Variants in GPC6 observed in about 807,000 individuals in gnomAD.
GPC6 encodes glypican 6, also known as glypican-6.
In GPC6, 14 loss-of-function variants were observed where a neutral mutation model predicts 55.2. That is an observed-to-expected ratio of 0.25 (90% CI 0.17 to 0.40). The LOEUF (loss-of-function observed/expected upper bound fraction) is 0.40, where lower values mean the gene tolerates loss of function less well. GPC6 is among the 10% of genes least tolerant of loss of function. GPC6 has a pLI of 1.00. For missense variants in GPC6, 641 were observed against 708.5 expected (o/e 0.90, Z 1.08); for synonymous variants, 278 against 259.6 (o/e 1.07, Z -0.68).
Position 93,802,140 on chromosome 13 carries a change from A to G in GPC6, c.320-28014A>G, listed in dbSNP as rs539722522. Among the ~76,000 whole-genome samples the G allele has an allele frequency of 2.6e-5, 4 of 152,286 alleles. No individual in the cohort carries two copies. In the South Asian group the frequency reaches 8.3e-4, roughly 32 times the overall value. On this transcript the variant is annotated intron_variant, in intron 2 of 8. Transcript: ENST00000377047. ...GTTGTTTTTTCACTGTAAGTAGATA[A>G]TATAAAAGAGAAATCAAAGGGACAT...
chr13:93,246,177 G>A (rs1032906336), intron 1 of GPC6, among the ~76,000 whole-genome samples: 2 of 152,260 alleles, frequency 1.3e-5, no homozygotes, highest in East Asian at 3.9e-4. Flanking sequence ...TGTTATGCAA[G>A]GCGACTACAT....
chr13:93,395,190 T>A (rs112414935), intron 1 of GPC6: 2 of 298,750 alleles, frequency 6.7e-6, no homozygotes, highest in Non-Finnish European at 1.3e-5. Context: ...TCAAAGTCAC[T>A]GCAACTACTA....
intron 1 of GPC6, among the ~76,000 whole-genome samples, chr13:93,426,792 A>T (rs1003819994): frequency 6.6e-6 from 1 of 151,806 alleles, no homozygotes; most frequent in African/African-American, 2.4e-5. Context: ...TTCTAGTTCT[A>T]GATCCCTGAG....
intron 1 of GPC6, among the ~76,000 whole-genome samples, chr13:93,345,621 T>C (rs182787124): frequency 5.4e-4 from 83 of 152,330 alleles, no homozygotes; most frequent in African/African-American, 1.9e-3. Flanking sequence ...ACAGAGTCAT[T>C]CATTGGAGTT....
At chr13:93,518,685 T>A (rs774148372) in intron 1 of GPC6, among the ~76,000 whole-genome samples, 3 of 152,028 alleles carry the variant, frequency 2.0e-5, no homozygotes, top group Non-Finnish European at 4.4e-5. Context: ...TAAGCCTCTG[T>A]GAGCCTTTGT....
intron 3 of GPC6, among the ~76,000 whole-genome samples, chr13:93,912,480 A>G (rs1877039024): frequency 6.6e-6 from 1 of 152,112 alleles, no homozygotes; most frequent in Non-Finnish European, 1.5e-5. Flanking sequence ...GCAGTGGCTC[A>G]CGCCTGTAAT....
chr13:93,346,458 A>T lies in GPC6; in HGVS notation c.160+118842A>T, dbSNP rs76209748. ...TACTGTTGACTTCTCCATGCTTTAA[A>T]ATCCCTATTCTCATATTTACCTGAT... On this transcript the variant is annotated intron_variant, in intron 1 of 8. Coordinates refer to ENST00000377047, the MANE Select transcript of GPC6 (RefSeq NM_005708.5). Among the ~76,000 whole-genome samples the T allele has an allele frequency of 9.9e-5, 15 of 152,254 alleles. No individual in the cohort carries two copies. The East Asian group carries it at 2.7e-3, about 27-fold the overall frequency.
At chr13:93,967,133 G>A (rs969746631) in intron 3 of GPC6, among the ~76,000 whole-genome samples, 8 of 152,262 alleles carry the variant, frequency 5.3e-5, no homozygotes, top group Admixed American at 3.9e-4. Flanking sequence ...TGGTGGTTTT[G>A]CTACTTTTTT....
At chr13:93,728,753 G>T (rs757331957) in intron 2 of GPC6, among the ~76,000 whole-genome samples, 5 of 151,976 alleles carry the variant, frequency 3.3e-5, no homozygotes, top group Non-Finnish European at 5.9e-5. Flanking sequence ...TTTTAGTAGA[G>T]ACAGCATTTC....
chr13:93,834,805 T>C (rs1887671833), intron 3 of GPC6, among the ~76,000 whole-genome samples: 1 of 152,178 alleles, frequency 6.6e-6, no homozygotes, highest in Non-Finnish European at 1.5e-5. Context: ...CATATTGTGC[T>C]AAGTGATGTC....
intron 2 of GPC6, among the ~76,000 whole-genome samples, chr13:93,786,500 T>C (rs2138915015): frequency 6.6e-6 from 1 of 152,254 alleles, no homozygotes; most frequent in Non-Finnish European, 1.5e-5. Flanking sequence ...CTCTTCCACT[T>C]TGTGCTAATG....
upstream of GPC6, among the ~76,000 whole-genome samples, chr13:93,224,739 C>A (rs952711159): frequency 6.6e-6 from 1 of 152,186 alleles, no homozygotes; most frequent in Non-Finnish European, 1.5e-5. Context: ...GAATGTTTGA[C>A]TTTGTCTCTT....
intron 4 of GPC6, among the ~76,000 whole-genome samples, chr13:94,055,516 C>A (rs529634928): frequency 3.3e-5 from 5 of 152,002 alleles, no homozygotes; most frequent in Non-Finnish European, 5.9e-5. Flanking sequence ...GGTCTTCTGA[C>A]CTAAGGCTGT....
chr13:93,537,003 G>A (rs1024765209), intron 1 of GPC6, among the ~76,000 whole-genome samples: 2 of 152,070 alleles, frequency 1.3e-5, no homozygotes, highest in East Asian at 1.9e-4. Context: ...AATATTCCAC[G>A]AGAGTTAACT....
intron 2 of GPC6, among the ~76,000 whole-genome samples, chr13:93,584,408 C>T (rs186002344): frequency 1.2e-4 from 18 of 152,206 alleles, no homozygotes; most frequent in East Asian, 1.9e-4. Context: ...TCTAGGACAT[C>T]GTTGGCTTTT....
chr13:93,673,782 T>G (rs1881470396), intron 2 of GPC6, among the ~76,000 whole-genome samples: 1 of 152,212 alleles, frequency 6.6e-6, no homozygotes, highest in African/African-American at 2.4e-5. Flanking sequence ...TTTAGAAGTT[T>G]CTTTTGACTT....
chr13:94,350,010 A>G (rs887413218), intron 6 of GPC6, among the ~76,000 whole-genome samples: 1 of 152,126 alleles, frequency 6.6e-6, no homozygotes, highest in African/African-American at 2.4e-5. Context: ...AATGCTGAGC[A>G]CAAAATCCTA....
chr13:94,269,306 TC>T (rs1891917580), intron 4 of GPC6, among the ~76,000 whole-genome samples: 1 of 152,180 alleles, frequency 6.6e-6, no homozygotes. Flanking sequence ...GATAATGCTG[TC>T]CCCATGGTTA....
chr13:94,195,007 G>A (rs1467592420), intron 4 of GPC6, among the ~76,000 whole-genome samples: 1 of 152,086 alleles, frequency 6.6e-6, no homozygotes, highest in Non-Finnish European at 1.5e-5. Flanking sequence ...ATAGAAAGAA[G>A]TATCTAGAAA....
Sources: allele counts gnomAD v4.1 joint callset (sites outside exome capture counted in the v4.1 genomes callset), GRCh38; gene constraint gnomAD v4.1.1; transcripts MANE v1.5; gene names NCBI Gene and HGNC (gene_info 2026-07-23, HGNC 2026-07-21).